The following RNFT2 variants were observed in gnomAD, a reference collection of about 807,000 sequenced individuals.
RNFT2 encodes the protein ring finger protein, transmembrane 2, also known as E3 ubiquitin-protein ligase RNFT2.
Under a neutral mutation model 53.0 loss-of-function variants are expected in RNFT2, and 36 were observed. The ratio of observed to expected loss-of-function variants is 0.68; its 90% CI spans 0.52 to 0.90. The LOEUF (loss-of-function observed/expected upper bound fraction) is 0.90. Among genes scored for constraint, RNFT2 ranks in the 40% least tolerant of loss-of-function variants. RNFT2 has a pLI of 0.00. For missense variants in RNFT2, 514 were observed against 585.6 expected (o/e 0.88, Z 1.26); for synonymous variants, 260 against 253.2 (o/e 1.03, Z -0.26).
chr12:116,833,646 A>T, intron 7 of RNFT2, 146 bp from the exon 8 acceptor site: 1 of 764,116 alleles, frequency 1.3e-6, no homozygotes, highest in South Asian at 1.7e-5. Flanking sequence ...CAGCCCCATT[A>T]GGAGCTGGCC....
intron 7 of RNFT2, among the ~76,000 whole-genome samples, chr12:116,820,534 C>T (rs904877707): frequency 6.6e-6 from 1 of 152,206 alleles, no homozygotes; most frequent in African/African-American, 2.4e-5. Flanking sequence ...CCTCACTTCC[C>T]CCACCAGGGG....
At chr12:116,786,446 G>A (rs1030027330) in intron 7 of RNFT2, among the ~76,000 whole-genome samples, 5 of 152,070 alleles carry the variant, frequency 3.3e-5, no homozygotes, top group African/African-American at 4.8e-5. Context: ...GCAGCTGCTC[G>A]GTGGTGGGGT....
intron 6 of RNFT2, among the ~76,000 whole-genome samples, chr12:116,768,527 T>A (rs1207816113): frequency 6.6e-6 from 1 of 152,190 alleles, no homozygotes; most frequent in Non-Finnish European, 1.5e-5. Flanking sequence ...CTAGTGATAT[T>A]GCAGCCATCA....
At position 116,852,228 on chromosome 12, in the gene RNFT2, G is replaced by A. The variant is rs1877961830; in HGVS notation, c.*2780G>A. On this transcript the variant is annotated 3_prime_UTR_variant, in exon 11 of 11. Coordinates refer to ENST00000257575, the MANE Select transcript of RNFT2 (RefSeq NM_001382266.1). ...TGGCATTACAGAGAAAGCAATCTGT[G>A]TGGCTAGTGGGCAGATTACCATGCA... is the stretch of plus-strand genomic sequence containing the variant. 1.6e-6 allele frequency: 2 copies of A among 1,276,050 alleles called. No homozygotes were observed. The highest frequency in any genetic ancestry group is 3.0e-5 in the African/African-American group (2 of 67,268). 79.0% of individuals were successfully genotyped at this position (1,276,050 alleles called of 1,614,324 possible).
intron 4 of RNFT2, 39 bp from the exon 5 acceptor site, chr12:116,753,945 G>C (rs755182220): frequency 3.8e-6 from 6 of 1,564,910 alleles, no homozygotes; most frequent in Non-Finnish European, 5.3e-6. Flanking sequence ...GGCCTGATGA[G>C]TCTAAGTGGG....
rs747735986 is a variant in RNFT2 at position 116,818,933 on chromosome 12, T to G, written c.883-14859T>G. 3.3e-4 allele frequency among the ~76,000 whole-genome samples: 50 copies of G among 152,154 alleles called. 1 individual carries two copies. The highest frequency in any genetic ancestry group is 5.9e-5 in the Non-Finnish European group (4 of 68,038). On this transcript the variant is annotated intron_variant, in intron 7 of 10. Coordinates refer to ENST00000257575, the MANE Select transcript of RNFT2 (RefSeq NM_001382266.1). Reference sequence around the variant, plus strand: ...GGAACTGGGGTAAAGGTGCAGAGGTTTGGGGTACAGGTAAGGAGAAGAAAA... The same window carrying G: ...GGAACTGGGGTAAAGGTGCAGAGGTGTGGGGTACAGGTAAGGAGAAGAAAA...
rs962630854 is a variant in RNFT2 at position 116,738,926 on chromosome 12, T to C, written c.-154+556T>C. 5.3e-4 allele frequency among the ~76,000 whole-genome samples: 81 copies of C among 152,266 alleles called. 1 individual carries two copies. The highest frequency in any genetic ancestry group is 5.2e-3 in the Admixed American group (80 of 15,292). Reference sequence around the variant, plus strand: ...AGGAGGATTAAGTTGAGATTGCAAATTCTTGAAAAATATTTATATAATGAC... The same window carrying C: ...AGGAGGATTAAGTTGAGATTGCAAACTCTTGAAAAATATTTATATAATGAC... On this transcript the variant is annotated intron_variant, in intron 1 of 10. Transcript: ENST00000257575.
At chr12:116,758,346 C>G (rs1395930206) in intron 5 of RNFT2, among the ~76,000 whole-genome samples, 1 of 152,118 alleles carries the variant, frequency 6.6e-6, no homozygotes, top group Non-Finnish European at 1.5e-5. Flanking sequence ...TGTGAGGTAC[C>G]ATTGCATTCA....
intron 7 of RNFT2, among the ~76,000 whole-genome samples, chr12:116,809,284 A>G (rs1308499386): frequency 6.6e-6 from 1 of 151,752 alleles, no homozygotes; most frequent in Non-Finnish European, 1.5e-5. Flanking sequence ...TTGCGTTTGA[A>G]CTCGATTCCT....
At chr12:116,836,572 T>C (rs192523297) in intron 10 of RNFT2, among the ~76,000 whole-genome samples, 1 of 152,198 alleles carries the variant, frequency 6.6e-6, no homozygotes, top group African/African-American at 2.4e-5. Context: ...GCAGCATTCT[T>C]GACCCCCTGT....
At chr12:116,741,348 G>A (rs951278373) in intron 3 of RNFT2, among the ~76,000 whole-genome samples, 8 of 152,212 alleles carry the variant, frequency 5.3e-5, no homozygotes, top group Non-Finnish European at 1.2e-4. Flanking sequence ...TTATAGAGAT[G>A]TCTTAGTCCA....
rs1181643779 is a variant in RNFT2 at position 116,846,486 on chromosome 12, C to T, written c.1201-2828C>T. 3.7e-5 allele frequency among the ~76,000 whole-genome samples: 5 copies of T among 133,846 alleles called. No individual in the cohort carries two copies. In the East Asian group the frequency reaches 8.8e-4, roughly 24 times the overall value. 87.8% of individuals were successfully genotyped at this position (133,846 alleles called of 152,430 possible). A position where few individuals can be genotyped will look rare whatever the true frequency, so the allele number is the denominator to read the frequency against. On this transcript the variant is annotated intron_variant, in intron 10 of 10. Transcript: ENST00000257575. ...TGGGGCATGGGGGTGGAGGAAGTCT[C>T]GCCATGTTGCCCAGGCTGGTCTCAA...
chr12:116,820,484 T>G (rs201551601), intron 7 of RNFT2, among the ~76,000 whole-genome samples: 1 of 152,240 alleles, frequency 6.6e-6, no homozygotes, highest in Non-Finnish European at 1.5e-5. Context: ...TTGGCTGTGG[T>G]GGATATGGAA....
At chr12:116,770,453 C>T (rs1873123502) in intron 6 of RNFT2, among the ~76,000 whole-genome samples, 1 of 152,216 alleles carries the variant, frequency 6.6e-6, no homozygotes, top group African/African-American at 2.4e-5. Context: ...TTTCTCAGAA[C>T]ATGTCCCAGT....
chr12:116,741,204 C>A, intron 3 of RNFT2, 110 bp downstream of exon 3: 2 of 802,406 alleles, frequency 2.5e-6, no homozygotes, highest in South Asian at 1.5e-5. Flanking sequence ...TTGTTAGAGT[C>A]ACACTGATGG....
At chr12:116,807,611 A>G (rs780546118) in intron 7 of RNFT2, among the ~76,000 whole-genome samples, 8 of 151,588 alleles carry the variant, frequency 5.3e-5, no homozygotes, top group Non-Finnish European at 1.0e-4. Context: ...CCCCACTCGC[A>G]CTCCCCTGAC....
At chr12:116,740,218 G>T in intron 1 of RNFT2, 127 bp from the exon 2 acceptor site, 1 of 330,426 alleles carries the variant, frequency 3.0e-6, no homozygotes, top group East Asian at 5.2e-5. Flanking sequence ...GGGGATCACT[G>T]AGAGGCTACC....
intron 10 of RNFT2, among the ~76,000 whole-genome samples, chr12:116,841,856 A>ATAAATATATATATATATATATATAT (rs1877311518): frequency 4.1e-5 from 1 of 24,118 alleles, no homozygotes. Context: ...AATATATATA[A>ATAAATATATATATATATATATATAT]AAATATATAT....
intron 6 of RNFT2, among the ~76,000 whole-genome samples, chr12:116,774,934 AAGAGAGAGAG>A (rs113761307): frequency 3.4e-5 from 5 of 147,834 alleles, no homozygotes; most frequent in East Asian, 2.0e-4. Context: ...GGTGCACAGA[AAGAGAGAGAG>A]AGAGAGAGAG....
Sources: gnomAD v4.1 joint callset for allele counts (sites outside exome capture counted in the v4.1 genomes callset) on GRCh38, gnomAD v4.1.1 for gene constraint, MANE v1.5 for transcripts, NCBI Gene and HGNC (gene_info 2026-07-23, HGNC 2026-07-21) for gene names.